Variants in RCBTB1 observed in about 807,000 individuals in gnomAD.
The protein encoded by RCBTB1 is RCC1 and BTB domain-containing protein 1.
RCBTB1 carries 46 observed loss-of-function variants against 62.4 expected under a neutral mutation model. The observed-to-expected ratio is 0.74, with a 90% confidence interval of 0.58 to 0.94. The LOEUF is 0.94. Among genes scored for constraint, RCBTB1 ranks in the 40% least tolerant of loss-of-function variants. The pLI is 0.00. For missense variants in RCBTB1, 565 were observed against 654.9 expected (o/e 0.86, Z 1.50); for synonymous variants, 222 against 245.8 (o/e 0.90, Z 0.91).
chr13:49,537,007 C>A lies in RCBTB1; in HGVS notation c.1456-2745G>T, dbSNP rs539082655. On this transcript the variant is annotated intron_variant, in intron 12 of 12. Coordinates refer to ENST00000378302, the MANE Select transcript of RCBTB1 (RefSeq NM_018191.4). ...AAACAAAACACAGAGCATTGATGGT[C>A]TTAATATCCTCATTTTAAAAAATGC... 7.0e-4 allele frequency among the ~76,000 whole-genome samples: 107 copies of A among 152,282 alleles called. 2 individuals are homozygous for A. In the South Asian group the frequency reaches 0.022, roughly 31 times the overall value.
At chr13:49,550,625 T>C (rs2139176274) in intron 8 of RCBTB1, among the ~76,000 whole-genome samples, 1 of 152,328 alleles carries the variant, frequency 6.6e-6, no homozygotes, top group East Asian at 1.9e-4. Flanking sequence ...TAAAAGTTTA[T>C]ATTACACCAT....
At chr13:49,548,655 C>T (rs1371789019) in intron 9 of RCBTB1, among the ~76,000 whole-genome samples, 1 of 151,696 alleles carries the variant, frequency 6.6e-6, no homozygotes, top group Non-Finnish European at 1.5e-5. Flanking sequence ...AGACATATTA[C>T]GTCAATGGGC....
chr13:49,552,133 G>T (rs1961414543), intron 7 of RCBTB1, 45 bp downstream of exon 7: 8 of 1,235,302 alleles, frequency 6.5e-6, no homozygotes, highest in Non-Finnish European at 9.3e-6. Context: ...GTTAGAGCAA[G>T]GAAGGTAGAT....
At chr13:49,551,289 G>A (rs200997017) in intron 8 of RCBTB1, 37 bp downstream of exon 8, 1,444 of 1,607,542 alleles carry the variant, frequency 9.0e-4, no homozygotes, top group Admixed American at 1.1e-3. Flanking sequence ...AGGCCACATC[G>A]CACACACAGT....
chr13:49,564,571 G>A lies in RCBTB1; in HGVS notation c.277+2047C>T, dbSNP rs540482135. On this transcript the variant is annotated intron_variant, in intron 4 of 12. Coordinates refer to ENST00000378302, the MANE Select transcript of RCBTB1 (RefSeq NM_018191.4). ...CTGCACTCCAGCCTGGAGACAGAGCGAGACTCCTTCTCAAAAAAAAAAAAA... is the reference window on the plus strand; with the variant it reads ...CTGCACTCCAGCCTGGAGACAGAGCAAGACTCCTTCTCAAAAAAAAAAAAA... 7.3e-4 allele frequency among the ~76,000 whole-genome samples: 71 copies of A among 96,946 alleles called. 1 individual carries two copies. Among genetic ancestry groups the A allele is most frequent in the African/African-American group, 3.2e-3 (66 of 20,544 alleles). The allele number at this position is 96,946 out of a possible 152,430, so 63.6% of individuals were successfully genotyped here. A position where few individuals can be genotyped will look rare whatever the true frequency, so the allele number is the denominator to read the frequency against.
Position 49,548,623 on chromosome 13 carries a change from C to G in RCBTB1, c.1045+835G>C, listed in dbSNP as rs569791110. Among the ~76,000 whole-genome samples, 11 of 151,502 alleles carry G rather than the reference C, an allele frequency of 7.3e-5. No individual in the cohort carries two copies. The South Asian group carries it at 2.1e-3, about 29-fold the overall frequency. On this transcript the variant is annotated intron_variant, in intron 9 of 12. Transcript: ENST00000378302. ...TATATATAATGGAATATTATTCAGTCATAAAAGGGAATGAAATACAGAGAC... is the reference window on the plus strand; with the variant it reads ...TATATATAATGGAATATTATTCAGTGATAAAAGGGAATGAAATACAGAGAC...
chr13:49,571,329 A>G (rs369203281), intron 2 of RCBTB1, among the ~76,000 whole-genome samples: 1 of 152,172 alleles, frequency 6.6e-6, no homozygotes, highest in Non-Finnish European at 1.5e-5. Context: ...CTGGGGAAGA[A>G]GAGCGAAACC....
rs909065234 is a variant in RCBTB1, at chr13:49,567,461, C to G, written c.-41-141G>C. 14 of 617,096 alleles carry G rather than the reference C, an allele frequency of 2.3e-5. 1 individual carries two copies. Among genetic ancestry groups the G allele is most frequent in the Middle Eastern group, 4.5e-4 (1 of 2,198 alleles). The allele number at this position is 617,096 out of a possible 1,614,324, so 38.2% of individuals were successfully genotyped here. A position where few individuals can be genotyped will look rare whatever the true frequency, so the allele number is the denominator to read the frequency against. On this transcript the variant is annotated intron_variant, in intron 2 of 12. Coordinates refer to ENST00000378302, the MANE Select transcript of RCBTB1 (RefSeq NM_018191.4). ...TTTGGTTACATGGATCACTCACTTT[C>G]CCCCAGCCATGTGTGCAATCCCTCC... is the stretch of plus-strand genomic sequence containing the variant.
At chr13:49,540,423 CTG>C (rs1209539857) in intron 12 of RCBTB1, among the ~76,000 whole-genome samples, 1 of 152,212 alleles carries the variant, frequency 6.6e-6, no homozygotes, top group African/African-American at 2.4e-5. Context: ...AGGTAAATAA[CTG>C]TGAGCTGTAA....
At chr13:49,572,509 T>C (rs186563562) in intron 2 of RCBTB1, among the ~76,000 whole-genome samples, 1 of 152,046 alleles carries the variant, frequency 6.6e-6, no homozygotes, top group Admixed American at 6.5e-5. Context: ...TTCATTTAAA[T>C]AATCATTCCA....
At position 49,550,580 on chromosome 13, in the gene RCBTB1, AG is replaced by A. The variant is rs112682434; in HGVS notation, c.854+745del. The A allele has an allele frequency of 6.7e-4, 178 of 265,192 alleles. 1 individual carries two copies. The highest frequency in any genetic ancestry group is 3.7e-3 in the African/African-American group (166 of 44,354). 16.4% of individuals were successfully genotyped at this position (265,192 alleles called of 1,614,324 possible). ...AAACAGATAATGTCCTTTCAAGAGC[AG>A]ATTTATTTAAAAGTTGTTTTACTTG... On this transcript the variant is annotated intron_variant, in intron 8 of 12. Transcript: ENST00000378302.
At chr13:49,551,582 G>A (rs1219167070) in intron 7 of RCBTB1, 114 bp from the exon 8 acceptor site, 25 of 1,179,252 alleles carry the variant, frequency 2.1e-5, no homozygotes, top group Non-Finnish European at 2.8e-5. Context: ...ATCAGGGGTG[G>A]ACTGACATTT....
intron 2 of RCBTB1, among the ~76,000 whole-genome samples, chr13:49,573,241 A>T (rs1175325485): frequency 6.6e-6 from 1 of 152,196 alleles, no homozygotes; most frequent in East Asian, 1.9e-4. Context: ...ATATACAGAA[A>T]TGTATACACC....
intron 2 of RCBTB1, among the ~76,000 whole-genome samples, chr13:49,580,005 T>C (rs529120426): frequency 1.2e-3 from 183 of 152,202 alleles, no homozygotes; most frequent in Non-Finnish European, 2.1e-3. Flanking sequence ...TCTCATTCAT[T>C]TCATCTCGTC....
chr13:49,569,731 GA>G (rs1373750302), intron 2 of RCBTB1, among the ~76,000 whole-genome samples: 1 of 119,330 alleles, frequency 8.4e-6, no homozygotes, highest in Non-Finnish European at 1.7e-5. Context: ...AAAAAAAAAA[GA>G]AAGAAAGAAA....
chr13:49,569,111 A>G (rs1963224531), intron 2 of RCBTB1, among the ~76,000 whole-genome samples: 1 of 152,190 alleles, frequency 6.6e-6, no homozygotes, highest in African/African-American at 2.4e-5. Context: ...CACCCAGGCA[A>G]CCTGAAGCCT....
Position 49,541,788 on chromosome 13 carries a change from A to T in RCBTB1, c.1212T>A (p.Asn404Lys), listed in dbSNP as rs1406010356. 3 of 1,614,096 alleles carry T rather than the reference A, an allele frequency of 1.9e-6. No homozygotes were observed. The highest frequency in any genetic ancestry group is 2.5e-6 in the Non-Finnish European group (3 of 1,179,992). The change falls in exon 11 of 13, where the codon AAT (asparagine) becomes AAA (lysine). Residue 404 changes from asparagine to lysine, a missense_variant. Coordinates refer to ENST00000378302, the MANE Select transcript of RCBTB1 (RefSeq NM_018191.4). The part of the protein sequence containing the change: ...HFRSMFQSYW[N>K]EDMKEVIEID... Reference sequence around the variant, plus strand: ...TTTCTATCACTTCCTTCATGTCTTCATTCCAATACGACTGGAACATGGATC... The same window carrying T: ...TTTCTATCACTTCCTTCATGTCTTCTTTCCAATACGACTGGAACATGGATC...
chr13:49,567,371 ACTTT>A, intron 2 of RCBTB1, 51 bp from the exon 3 acceptor site: 1 of 1,411,822 alleles, frequency 7.1e-7, no homozygotes, highest in African/African-American at 1.4e-5. Flanking sequence ...CACTGAGCTA[ACTTT>A]CAAAAAAAAG....
intron 10 of RCBTB1, among the ~76,000 whole-genome samples, chr13:49,542,927 A>AT (rs1309273946): frequency 6.6e-6 from 1 of 152,210 alleles, no homozygotes; most frequent in Admixed American, 6.5e-5. Flanking sequence ...TAAAAATCAT[A>AT]TTTTTAAATT....
Sources: gnomAD v4.1 joint callset for allele counts (sites outside exome capture counted in the v4.1 genomes callset) on GRCh38, gnomAD v4.1.1 for gene constraint, MANE v1.5 for transcripts, NCBI Gene and HGNC (gene_info 2026-07-23, HGNC 2026-07-21) for gene names.